The following PTRH1 variants were observed in gnomAD, a reference collection of about 807,000 sequenced individuals.
PTRH1 encodes peptidyl-tRNA hydrolase 1 homolog, also known as peptidyl-tRNA hydrolase.
Under a neutral mutation model 15.7 loss-of-function variants are expected in PTRH1, and 13 were observed. That is an observed-to-expected ratio of 0.83 (90% CI 0.54 to 1.31). The LOEUF (loss-of-function observed/expected upper bound fraction) is 1.31, where lower values mean the gene tolerates loss of function less well. PTRH1 is among the 40% of genes most tolerant of loss of function. The pLI is 0.00. For synonymous variants in PTRH1, 139 were observed against 136.7 expected, an observed-to-expected ratio of 1.02 and a Z score of -0.12; for missense variants, 319 against 296.2, an observed-to-expected ratio of 1.08 and a Z score of -0.56.
Position 127,701,731 on chromosome 9 carries a change from G to A in PTRH1, c.206-6590C>T, listed in dbSNP as rs116271951. Among the ~76,000 whole-genome samples the A allele has an allele frequency of 4.6e-3, 693 of 152,174 alleles. 8 individuals carry two copies. Among genetic ancestry groups the A allele is most frequent in the South Asian group, 0.039 (187 of 4,820 alleles). ...AGTTAAGACCAGCCTGACCAACATGGAGAAATACCGGTGTCTCCACTGAAA... is the reference window on the plus strand; with the variant it reads ...AGTTAAGACCAGCCTGACCAACATGAAGAAATACCGGTGTCTCCACTGAAA... On this transcript the variant is annotated intron_variant, in intron 1 of 2. Coordinates refer to the PTRH1 transcript ENST00000335223.
At chr9:127,696,844 G>A (rs1319287684) in intron 1 of PTRH1, among the ~76,000 whole-genome samples, 1 of 151,986 alleles carries the variant, frequency 6.6e-6, no homozygotes, top group African/African-American at 2.4e-5. Context: ...CCAGCCTGGG[G>A]AACAGAGCAA....
intron 1 of PTRH1, among the ~76,000 whole-genome samples, chr9:127,703,378 G>A (rs1194836890): frequency 2.6e-5 from 4 of 151,950 alleles, no homozygotes; most frequent in Non-Finnish European, 4.4e-5. Context: ...TCCAGGAGGT[G>A]GAGGTTGCAG....
At chr9:127,710,332 T>C (rs552477025), downstream of PTRH1, among the ~76,000 whole-genome samples, 3 of 149,832 alleles carry the variant, frequency 2.0e-5, no homozygotes, top group Non-Finnish European at 3.0e-5. Flanking sequence ...GTCGCTTTCA[T>C]GAGAGTATCA....
chr9:127,711,739 G>A (rs777672148), downstream of PTRH1: 277 of 1,478,462 alleles, frequency 1.9e-4, no homozygotes, highest in Non-Finnish European at 2.3e-4. Flanking sequence ...GCTCTGCATA[G>A]GGGAACACGG....
chr9:127,699,523 G>A (rs1842588506), intron 1 of PTRH1, among the ~76,000 whole-genome samples: 1 of 152,148 alleles, frequency 6.6e-6, no homozygotes, highest in South Asian at 2.1e-4. Context: ...TAAGACGGTT[G>A]CTGATTGGCT....
intron 1 of PTRH1, chr9:127,695,312 T>G: frequency 1.7e-6 from 1 of 583,984 alleles, no homozygotes. Flanking sequence ...TAACAATGAG[T>G]GAAAAGAGCA....
intron 1 of PTRH1, among the ~76,000 whole-genome samples, chr9:127,697,269 C>A (rs1043640941): frequency 5.3e-5 from 8 of 152,200 alleles, no homozygotes; most frequent in African/African-American, 1.9e-4. Context: ...TTCCATTGCT[C>A]AAGGTTGGGA....
chr9:127,711,797 T>C, downstream of PTRH1: 3 of 1,550,630 alleles, frequency 1.9e-6, no homozygotes. Flanking sequence ...GCTGAGGGCA[T>C]GGCCACCTGT....
At chr9:127,706,058 C>T (rs1178451544) in intron 1 of PTRH1, among the ~76,000 whole-genome samples, 1 of 152,224 alleles carries the variant, frequency 6.6e-6, no homozygotes, top group Non-Finnish European at 1.5e-5. Context: ...ATCCCTGGAC[C>T]GTATCCCTGC....
downstream of PTRH1, chr9:127,709,618 G>A (rs765229107): frequency 3.1e-6 from 5 of 1,613,754 alleles, no homozygotes; most frequent in Non-Finnish European, 2.5e-6. This position sits in a 1 kb window ranked among gnomAD's most constrained non-coding sequence, Gnocchi z 4.7. Context: ...GGATGCCTTC[G>A]AGGCGCAGCT....
chr9:127,709,763 C>G, downstream of PTRH1: 3 of 1,492,492 alleles, frequency 2.0e-6, no homozygotes, highest in Non-Finnish European at 2.7e-6. The surrounding 1 kb of genome is among the most constrained non-coding windows in gnomAD (Gnocchi z 4.7). Flanking sequence ...TGTTTCTCAC[C>G]TGGGAAACAG....
chr9:127,710,644 G>A (rs1842744505), downstream of PTRH1: 2 of 1,587,054 alleles, frequency 1.3e-6, no homozygotes, highest in Non-Finnish European at 1.7e-6. Context: ...TGCAGAAAGA[G>A]GAGGTCACGG....
At chr9:127,697,196 TAAGCC>T (rs1276759473) in intron 1 of PTRH1, among the ~76,000 whole-genome samples, 1 of 152,188 alleles carries the variant, frequency 6.6e-6, no homozygotes, top group Non-Finnish European at 1.5e-5. Flanking sequence ...ACCTAGTCCA[TAAGCC>T]AAGCCCAGTT....
At chr9:127,702,814 C>T (rs1345267042) in intron 1 of PTRH1, among the ~76,000 whole-genome samples, 8 of 151,700 alleles carry the variant, frequency 5.3e-5, no homozygotes, top group East Asian at 2.0e-4. Flanking sequence ...TGGATTCAAA[C>T]GATTCTCCTA....
downstream of PTRH1, chr9:127,712,741 C>A (rs553511710): frequency 1.2e-6 from 2 of 1,614,162 alleles, no homozygotes; most frequent in Non-Finnish European, 8.5e-7. Context: ...GTGACGTTGA[C>A]GTGACGTTCC....
At chr9:127,712,986 G>A (rs777719317), downstream of PTRH1, 17 of 1,606,556 alleles carry the variant, frequency 1.1e-5, no homozygotes, top group Middle Eastern at 1.6e-4. Flanking sequence ...CTGGCTCGCC[G>A]AAGGCTCTGT....
Position 127,713,983 on chromosome 9 carries a change from G to A in PTRH1, c.*117C>T. On this transcript the variant is annotated 3_prime_UTR_variant, in exon 5 of 5. Transcript: ENST00000543175. ...CCCCACTTTAATCCGCAGGCAGCCTGGAACAGTCTAGAGGAGATTTGTATA... is the reference window on the plus strand; with the variant it reads ...CCCCACTTTAATCCGCAGGCAGCCTAGAACAGTCTAGAGGAGATTTGTATA... 2 of 1,578,266 alleles carry A rather than the reference G, an allele frequency of 1.3e-6. No homozygotes were observed. The highest frequency in any genetic ancestry group is 1.1e-5 in the South Asian group (1 of 90,264).
chr9:127,712,325 C>T, downstream of PTRH1: 1 of 1,613,964 alleles, frequency 6.2e-7, no homozygotes, highest in Non-Finnish European at 8.5e-7. Context: ...TCCAGGCCAC[C>T]TCCTTCCTAC....
chr9:127,713,743 G>A, downstream of PTRH1: 1 of 1,062,224 alleles, frequency 9.4e-7, no homozygotes, highest in South Asian at 1.3e-5. Flanking sequence ...CTGACGTCAA[G>A]CAATCCCCCA....
Sources: allele counts gnomAD v4.1 joint callset (sites outside exome capture counted in the v4.1 genomes callset), GRCh38; gene constraint gnomAD v4.1.1; non-coding constraint Gnocchi (gnomAD v3.1); transcripts MANE v1.5; gene names NCBI Gene and HGNC (gene_info 2026-07-23, HGNC 2026-07-21).